MELK: variants seen among roughly 807,000 people sequenced by gnomAD.
MELK encodes pEg3 kinase.
A neutral mutation model predicts 85.0 loss-of-function variants in MELK; 81 were observed. The ratio of observed to expected loss-of-function variants is 0.95; its 90% CI spans 0.80 to 1.15. The LOEUF (loss-of-function observed/expected upper bound fraction) is 1.15. Ranked by LOEUF, MELK falls within the 50% of genes most tolerant of loss-of-function variation. MELK has a pLI of 0.00. For missense variants in MELK, 754 were observed against 777.5 expected, an observed-to-expected ratio of 0.97 and a Z score of 0.36; for synonymous variants, 252 against 265.0, an observed-to-expected ratio of 0.95 and a Z score of 0.48.
chr9:36,601,504 C>T (rs10972989), intron 7 of MELK, among the ~76,000 whole-genome samples: 21,674 of 152,056 alleles, frequency 0.14, 1,839 homozygotes, highest in African/African-American at 0.23. Context: ...AGGAAAGGGA[C>T]CAAATGTTTT....
At chr9:36,589,679 A>G (rs1350251193) in intron 4 of MELK, 27 bp downstream of exon 4, 8 of 1,478,264 alleles carry the variant, frequency 5.4e-6, no homozygotes, top group Non-Finnish European at 7.6e-6. Flanking sequence ...AGATACCTGA[A>G]AACATTTGAT....
At chr9:36,615,201 A>AC (rs1348157854) in intron 8 of MELK, among the ~76,000 whole-genome samples, 13 of 104,936 alleles carry the variant, frequency 1.2e-4, no homozygotes, top group East Asian at 9.1e-4. Flanking sequence ...CGGGGGGCTG[A>AC]CCCCCCCACC....
chr9:36,643,278 G>C (rs1829928326), intron 11 of MELK, among the ~76,000 whole-genome samples, 195 bp downstream of exon 11: 1 of 152,140 alleles, frequency 6.6e-6, no homozygotes, highest in Admixed American at 6.5e-5. Context: ...AGCTACTTGG[G>C]AGGCTGAGGC....
At position 36,599,402 on chromosome 9, in the gene MELK, G is replaced by C. The variant is rs779414890; in HGVS notation, c.483G>C (p.Lys161Asn). 1 of 1,609,338 alleles carries C rather than the reference G, an allele frequency of 6.2e-7. No homozygotes were observed. Among genetic ancestry groups the C allele is most frequent in the African/African-American group, 1.3e-5 (1 of 74,716 alleles). Residue 161 changes from lysine (K) to asparagine (N), a missense_variant, in exon 7 of 18, where the codon AAG becomes AAC. By Grantham distance (94) the Lys-to-Asn change is moderately conservative. Coordinates refer to ENST00000298048, the MANE Select transcript of MELK (RefSeq NM_014791.4). ...FGLCAKPKGN[K>N]DYHLQTCCGS... ...TTTTATCTTATTGGCAGGGTAACAAGGATTACCATCTACAGACATGCTGTG... is the reference window on the plus strand; with the variant it reads ...TTTTATCTTATTGGCAGGGTAACAACGATTACCATCTACAGACATGCTGTG...
At chr9:36,586,642 T>G (rs1822931226) in intron 3 of MELK, among the ~76,000 whole-genome samples, 2 of 152,304 alleles carry the variant, frequency 1.3e-5, no homozygotes, top group Middle Eastern at 3.4e-3. Flanking sequence ...CAGTTATAAC[T>G]TTAGTATGAC....
chr9:36,624,072 T>C (rs1827696370), intron 8 of MELK, among the ~76,000 whole-genome samples: 1 of 151,596 alleles, frequency 6.6e-6, no homozygotes, highest in Non-Finnish European at 1.5e-5. Context: ...GTAGGTATCG[T>C]TATTATACTT....
intron 14 of MELK, among the ~76,000 whole-genome samples, chr9:36,666,891 GT>G (rs1832408851): frequency 6.7e-6 from 1 of 150,058 alleles, no homozygotes; most frequent in African/African-American, 2.5e-5. Flanking sequence ...GTGTGTGTGT[GT>G]GTGTGTGTGT....
rs1268638331 is a variant in MELK at position 36,594,746 on chromosome 9, G to T, written c.380G>T (p.Gly127Val). ...GCTGTTGCTTATGTGCACAGCCAGG[G>T]CTATGCTCACAGGGACCTCAAGCCA... is the stretch of plus-strand genomic sequence containing the variant. The part of the protein sequence containing the change: ...VSAVAYVHSQ[G>V]YAHRDLKPEN... The change falls in exon 5 of 18, where the codon GGC becomes GTC. Residue 127 changes from glycine (G) to valine (V), a missense_variant. Coordinates refer to ENST00000298048, the MANE Select transcript of MELK (RefSeq NM_014791.4). 1 of 1,613,928 alleles carries T rather than the reference G, an allele frequency of 6.2e-7. No homozygotes were observed. Among genetic ancestry groups the T allele is most frequent in the Non-Finnish European group, 8.5e-7 (1 of 1,179,972 alleles).
At chr9:36,647,229 G>A (rs117312846) in intron 11 of MELK, among the ~76,000 whole-genome samples, 2 of 152,306 alleles carry the variant, frequency 1.3e-5, no homozygotes, top group South Asian at 2.1e-4. Context: ...TCCAGGAATT[G>A]TTTACAATGC....
At chr9:36,627,952 A>G (rs1828104040) in intron 8 of MELK, among the ~76,000 whole-genome samples, 1 of 151,974 alleles carries the variant, frequency 6.6e-6, no homozygotes, top group African/African-American at 2.4e-5. Flanking sequence ...CCCAGGCTGG[A>G]GTACTATGGC....
intron 11 of MELK, among the ~76,000 whole-genome samples, chr9:36,649,402 G>A (rs948213038): frequency 1.3e-5 from 2 of 152,226 alleles, no homozygotes; most frequent in African/African-American, 2.4e-5. Flanking sequence ...CAGGAGAAGG[G>A]CGTGAACCTG....
At chr9:36,644,207 TTTTG>T (rs1395456559) in intron 11 of MELK, among the ~76,000 whole-genome samples, 31 of 98,252 alleles carry the variant, frequency 3.2e-4, no homozygotes, top group African/African-American at 1.2e-3. Context: ...CATACCTGTG[TTTTG>T]TGTGTGTGTG....
intron 10 of MELK, among the ~76,000 whole-genome samples, chr9:36,642,472 A>G (rs1829850568): frequency 8.2e-6 from 1 of 122,218 alleles, no homozygotes; most frequent in Non-Finnish European, 1.6e-5. Flanking sequence ...TCTGTTGCCC[A>G]GGCTGGAGTG....
chr9:36,616,478 C>T (rs1826819079), intron 8 of MELK, among the ~76,000 whole-genome samples: 1 of 148,184 alleles, frequency 6.7e-6, no homozygotes, highest in Admixed American at 6.7e-5. Context: ...CAACCTCTAC[C>T]TCCCAGGTTC....
chr9:36,584,367 G>C (rs893167382), intron 3 of MELK, among the ~76,000 whole-genome samples: 5 of 142,306 alleles, frequency 3.5e-5, no homozygotes, highest in Non-Finnish European at 6.0e-5. Flanking sequence ...GCACAGGCTG[G>C]AGTGCAGTGG....
At chr9:36,635,348 C>T (rs538934062) in intron 10 of MELK, among the ~76,000 whole-genome samples, 2 of 151,902 alleles carry the variant, frequency 1.3e-5, no homozygotes, top group African/African-American at 2.4e-5. Flanking sequence ...ACTACAACCT[C>T]CGCCTCCCAG....
chr9:36,647,623 G>A (rs1314335086), intron 11 of MELK, among the ~76,000 whole-genome samples: 1 of 151,826 alleles, frequency 6.6e-6, no homozygotes, highest in African/African-American at 2.4e-5. Context: ...CATATAGCTG[G>A]GATTACAGGC....
chr9:36,659,276 A>G (rs1363096551), intron 13 of MELK, among the ~76,000 whole-genome samples: 1 of 152,090 alleles, frequency 6.6e-6, no homozygotes, highest in Non-Finnish European at 1.5e-5. Flanking sequence ...TTAGCCTCCC[A>G]AAGTGCTGGG....
chr9:36,649,946 T>G (rs1199811910), intron 11 of MELK, among the ~76,000 whole-genome samples: 1 of 151,670 alleles, frequency 6.6e-6, no homozygotes, highest in African/African-American at 2.4e-5. Flanking sequence ...TTAAATTAAT[T>G]AATTTATTTA....
Sources: allele counts gnomAD v4.1 joint callset (sites outside exome capture counted in the v4.1 genomes callset), GRCh38; gene constraint gnomAD v4.1.1; transcripts MANE v1.5; gene names NCBI Gene and HGNC (gene_info 2026-07-23, HGNC 2026-07-21).